Variants in GPRIN3 observed in about 807,000 individuals in gnomAD.
GPRIN3 encodes GPRIN family member 3.
A neutral mutation model predicts 13.7 loss-of-function variants in GPRIN3; 12 were observed. The observed-to-expected ratio is 0.87, with a 90% CI of 0.56 to 1.42. The LOEUF is 1.42. Among genes scored for constraint, GPRIN3 ranks in the 40% most tolerant of loss-of-function variants. The pLI is 0.00. For missense variants in GPRIN3, 1,009 were observed against 958.7 expected, an observed-to-expected ratio of 1.05 and a Z score of -0.69; for synonymous variants, 377 against 372.7, an observed-to-expected ratio of 1.01 and a Z score of -0.13.
chr4:89,252,598 T>C (rs779311371), intron 1 of GPRIN3, among the ~76,000 whole-genome samples: 4 of 152,190 alleles, frequency 2.6e-5, no homozygotes, highest in Non-Finnish European at 5.9e-5. Flanking sequence ...ATTTTGAAAA[T>C]ACATAATTTT....
At chr4:89,284,343 G>C (rs943864344) in intron 1 of GPRIN3, among the ~76,000 whole-genome samples, 3 of 152,212 alleles carry the variant, frequency 2.0e-5, no homozygotes, top group Admixed American at 2.0e-4. Context: ...CACTGTGTGA[G>C]AGGCACAGTG....
At chr4:89,291,232 G>C (rs1443816247) in intron 1 of GPRIN3, among the ~76,000 whole-genome samples, 1 of 150,850 alleles carries the variant, frequency 6.6e-6, no homozygotes, top group East Asian at 2.0e-4. Context: ...CTTTTTTTTG[G>C]TGTACAGGTC....
intron 1 of GPRIN3, among the ~76,000 whole-genome samples, chr4:89,295,447 C>T (rs1724706103): frequency 6.6e-6 from 1 of 152,142 alleles, no homozygotes; most frequent in Non-Finnish European, 1.5e-5. Context: ...CTGTAGCTTT[C>T]TTGCATGCCC....
At chr4:89,258,682 A>G (rs939364558) in intron 1 of GPRIN3, among the ~76,000 whole-genome samples, 4 of 152,198 alleles carry the variant, frequency 2.6e-5, no homozygotes, top group Admixed American at 2.6e-4. Flanking sequence ...CACCCCTCAC[A>G]TGAGGGTCGT....
intron 1 of GPRIN3, among the ~76,000 whole-genome samples, chr4:89,277,795 C>A (rs566776478): frequency 1.3e-5 from 2 of 152,284 alleles, no homozygotes; most frequent in East Asian, 3.9e-4. Context: ...CTGCCCTCAT[C>A]TTAGTTGACC....
At chr4:89,289,309 T>A (rs1724508729) in intron 1 of GPRIN3, among the ~76,000 whole-genome samples, 1 of 151,848 alleles carries the variant, frequency 6.6e-6, no homozygotes, top group Non-Finnish European at 1.5e-5. Context: ...AGATTCAACA[T>A]AATTCTGCCA....
intron 1 of GPRIN3, among the ~76,000 whole-genome samples, chr4:89,273,846 C>A (rs4399946): frequency 6.6e-6 from 1 of 152,102 alleles, no homozygotes; most frequent in East Asian, 1.9e-4. Context: ...TGTTATGGTA[C>A]GTGTCCCTCC....
intron 1 of GPRIN3, among the ~76,000 whole-genome samples, chr4:89,271,669 T>C (rs78701725): frequency 0.064 from 9,757 of 152,056 alleles, 489 homozygotes; most frequent in South Asian, 0.21. Context: ...AATTCATGGA[T>C]AGAGAGGGCT....
Position 89,241,654 on chromosome 4 carries a change from T to C in GPRIN3, c.*6126A>G, listed in dbSNP as rs1722949947. Reference sequence around the variant, plus strand: ...GGATTGGGGAGTATGACTATAATACTGCAATCTCCTGATATACCAGCATCA... The same window carrying C: ...GGATTGGGGAGTATGACTATAATACCGCAATCTCCTGATATACCAGCATCA... On this transcript the variant is annotated 3_prime_UTR_variant, in exon 2 of 2. Transcript: ENST00000609438. 6.6e-6 allele frequency: 1 copy of C among 152,186 alleles called. No individual in the cohort carries two copies. Among genetic ancestry groups the C allele is most frequent in the Non-Finnish European group, 1.5e-5 (1 of 68,020 alleles). The allele number at this position is 152,186 out of a possible 1,614,324, so 9.4% of individuals were successfully genotyped here. A position where few individuals can be genotyped will look rare whatever the true frequency, so the allele number is the denominator to read the frequency against.
intron 1 of GPRIN3, among the ~76,000 whole-genome samples, chr4:89,260,526 C>T (rs1177721465): frequency 6.6e-6 from 1 of 152,108 alleles, no homozygotes; most frequent in Non-Finnish European, 1.5e-5. Flanking sequence ...TTGCTTTTTG[C>T]CCTTAAGGAA....
At chr4:89,290,226 T>C (rs746708259) in intron 1 of GPRIN3, among the ~76,000 whole-genome samples, 5 of 151,906 alleles carry the variant, frequency 3.3e-5, no homozygotes, top group Non-Finnish European at 5.9e-5. Context: ...TGCGTAGGCC[T>C]CCCAAAGTGC....
rs952410507 is a variant in GPRIN3, at chr4:89,245,168, G to A, written c.*2612C>T. On this transcript the variant is annotated 3_prime_UTR_variant, in exon 2 of 2. Coordinates refer to ENST00000609438, the MANE Select transcript of GPRIN3 (RefSeq NM_198281.3). ...TACAAAAATGCTGCTGTCTTGAATA[G>A]GTCCCTATCTTATTTATCCATCTGA... 2 of 152,164 alleles carry A rather than the reference G, an allele frequency of 1.3e-5. No individual in the cohort carries two copies. Among genetic ancestry groups the A allele is most frequent in the African/African-American group, 2.4e-5 (1 of 41,428 alleles). The allele number at this position is 152,164 out of a possible 1,614,324, so 9.4% of individuals were successfully genotyped here.
At chr4:89,264,209 G>A (rs1167971542) in intron 1 of GPRIN3, among the ~76,000 whole-genome samples, 2 of 152,128 alleles carry the variant, frequency 1.3e-5, no homozygotes, top group Non-Finnish European at 2.9e-5. Flanking sequence ...TTCCCTTGCA[G>A]ATGAATGAGT....
At chr4:89,282,128 T>A (rs1016465151) in intron 1 of GPRIN3, among the ~76,000 whole-genome samples, 1 of 152,208 alleles carries the variant, frequency 6.6e-6, no homozygotes, top group African/African-American at 2.4e-5. Flanking sequence ...ATTTCGTGTA[T>A]AATGCATTGC....
At chr4:89,265,720 T>TCCTTCCTTCCAC (rs1723761861) in intron 1 of GPRIN3, among the ~76,000 whole-genome samples, 1 of 152,210 alleles carries the variant, frequency 6.6e-6, no homozygotes, top group Non-Finnish European at 1.5e-5. Flanking sequence ...GGACTTTTCT[T>TCCTTCCTTCCAC]CCTTCCTTCC....
At chr4:89,273,498 C>A (rs1185803359) in intron 1 of GPRIN3, among the ~76,000 whole-genome samples, 1 of 152,094 alleles carries the variant, frequency 6.6e-6, no homozygotes, top group East Asian at 1.9e-4. Context: ...CAAGACCTGG[C>A]CAAAATGGTT....
In GPRIN3 at chr4:89,243,999, A is replaced by G. The variant is rs1004374015; in HGVS notation, c.*3781T>C. The G allele has an allele frequency of 2.0e-5, 3 of 152,214 alleles. No individual in the cohort carries two copies. The highest frequency in any genetic ancestry group is 7.2e-5 in the African/African-American group (3 of 41,464). The allele number at this position is 152,214 out of a possible 1,614,324, so 9.4% of individuals were successfully genotyped here. ...AAGTGGATGCAGAAAAGGACAAACA[A>G]TTTATATTAACAGCACACTTGCATA... On this transcript the variant is annotated 3_prime_UTR_variant, in exon 2 of 2. Transcript: ENST00000609438.
chr4:89,256,512 G>C (rs369586835), intron 1 of GPRIN3, among the ~76,000 whole-genome samples: 20 of 152,168 alleles, frequency 1.3e-4, no homozygotes, highest in Non-Finnish European at 4.4e-5. Context: ...CCAAAGCCAC[G>C]CTGATGGGAA....
rs145525888 is a variant in GPRIN3, at chr4:89,277,444, C to T, written c.-123-27211G>A. On this transcript the variant is annotated intron_variant, in intron 1 of 1. Transcript: ENST00000609438. ...TGTTCACTATCCCTGGCTGCTGACC[C>T]TCGTTCCGCCCACCAGGTCTACAGC... is the stretch of plus-strand genomic sequence containing the variant. Among the ~76,000 whole-genome samples, 761 of 152,296 alleles carry T rather than the reference C, an allele frequency of 5.0e-3. 6 individuals are homozygous for T. Among genetic ancestry groups the T allele is most frequent in the African/African-American group, 0.017 (713 of 41,560 alleles).
Sources: allele counts gnomAD v4.1 joint callset (sites outside exome capture counted in the v4.1 genomes callset), GRCh38; gene constraint gnomAD v4.1.1; transcripts MANE v1.5; gene names NCBI Gene and HGNC (gene_info 2026-07-23, HGNC 2026-07-21).